MAGI1: variants seen among roughly 807,000 people sequenced by gnomAD.
MAGI1 encodes the protein membrane associated guanylate kinase, WW and PDZ domain containing 1.
Under a neutral mutation model 139.9 loss-of-function variants are expected in MAGI1, and 58 were observed. The observed-to-expected ratio is 0.41, with a 90% CI of 0.34 to 0.52. The LOEUF is 0.52. Ranked by LOEUF, MAGI1 falls within the 20% of genes least tolerant of loss-of-function variation. MAGI1 has a pLI of 0.12. For missense variants in MAGI1, 1,874 were observed against 1,901.6 expected, an observed-to-expected ratio of 0.99 and a Z score of 0.27; for synonymous variants, 812 against 737.9, an observed-to-expected ratio of 1.10 and a Z score of -1.63.
intron 18 of MAGI1, among the ~76,000 whole-genome samples, chr3:65,367,117 T>A (rs1941497944): frequency 6.6e-6 from 1 of 152,166 alleles, no homozygotes; most frequent in Admixed American, 6.5e-5. Flanking sequence ...ATGGAGACTC[T>A]CAGAAATCAC....
intron 1 of MAGI1, among the ~76,000 whole-genome samples, chr3:65,861,291 G>A (rs767278446): frequency 7.9e-5 from 12 of 152,226 alleles, no homozygotes; most frequent in Non-Finnish European, 1.5e-4. Context: ...ATTAAGTTTT[G>A]AATTTCTTAT....
intron 2 of MAGI1, among the ~76,000 whole-genome samples, chr3:65,515,261 T>C (rs530767318): frequency 8.1e-4 from 74 of 91,850 alleles, no homozygotes; most frequent in African/African-American, 3.0e-3. Flanking sequence ...TATACATATG[T>C]AACTAACCTG....
At chr3:65,817,470 T>C (rs942852183) in intron 1 of MAGI1, among the ~76,000 whole-genome samples, 2 of 152,188 alleles carry the variant, frequency 1.3e-5, no homozygotes, top group African/African-American at 4.8e-5. Flanking sequence ...AACCCAGGCA[T>C]GGTACCAATC....
intron 2 of MAGI1, among the ~76,000 whole-genome samples, chr3:65,497,451 T>A (rs1367084074): frequency 1.3e-5 from 2 of 152,172 alleles, no homozygotes; most frequent in Non-Finnish European, 2.9e-5. Context: ...ACACTGGGAA[T>A]TCCAGTGCAG....
intron 1 of MAGI1, among the ~76,000 whole-genome samples, chr3:65,638,201 G>T (rs1444341642): frequency 1.3e-5 from 2 of 152,132 alleles, no homozygotes; most frequent in Admixed American, 1.3e-4. Context: ...CTACCTGACA[G>T]GGCTGTCATG....
At chr3:65,773,226 A>G (rs1464553300) in intron 1 of MAGI1, among the ~76,000 whole-genome samples, 3 of 152,124 alleles carry the variant, frequency 2.0e-5, no homozygotes, top group African/African-American at 7.2e-5. Flanking sequence ...ACACCCCCAA[A>G]AGATTAACAA....
intron 2 of MAGI1, among the ~76,000 whole-genome samples, chr3:65,543,693 T>G (rs1424724521): frequency 6.6e-6 from 1 of 151,084 alleles, no homozygotes; most frequent in East Asian, 1.9e-4. Context: ...TAAGTGGGAG[T>G]TGAACAATGA....
chr3:65,940,537 C>T (rs1353839885), intron 1 of MAGI1, among the ~76,000 whole-genome samples: 1 of 152,154 alleles, frequency 6.6e-6, no homozygotes, highest in Non-Finnish European at 1.5e-5. Context: ...GGCTCCACCC[C>T]TATGATCTAA....
At position 65,551,585 on chromosome 3, in the gene MAGI1, C is replaced by G. The variant is rs1309558627; in HGVS notation, c.431-57954G>C. On this transcript the variant is annotated intron_variant, in intron 2 of 22. Transcript: ENST00000402939. ...AAAGTGCTGGGATTACAGGCGTGAG[C>G]CACCACGCCCGGCCCACTTTCCTTT... is the stretch of plus-strand genomic sequence containing the variant. Among the ~76,000 whole-genome samples, 3 of 152,362 alleles carry G rather than the reference C, an allele frequency of 2.0e-5. No homozygotes were observed. The East Asian group carries it at 5.8e-4, about 29-fold the overall frequency.
At chr3:65,889,127 T>A (rs2060643371) in intron 1 of MAGI1, among the ~76,000 whole-genome samples, 1 of 152,172 alleles carries the variant, frequency 6.6e-6, no homozygotes, top group African/African-American at 2.4e-5. Flanking sequence ...CTGTGAAACT[T>A]TCTGAAGCAT....
At chr3:66,019,504 T>C (rs1366134376) in intron 1 of MAGI1, among the ~76,000 whole-genome samples, 1 of 152,242 alleles carries the variant, frequency 6.6e-6, no homozygotes, top group African/African-American at 2.4e-5. Flanking sequence ...AGAACCAGAT[T>C]AGAATTGCAG....
chr3:65,868,117 C>T (rs1371214774), intron 1 of MAGI1, among the ~76,000 whole-genome samples: 3 of 152,162 alleles, frequency 2.0e-5, no homozygotes, highest in Non-Finnish European at 2.9e-5. Context: ...CGCTCCAGTG[C>T]TTTCCTACCA....
chr3:65,636,739 C>CACAT (rs2084649128), intron 1 of MAGI1, among the ~76,000 whole-genome samples: 1 of 151,932 alleles, frequency 6.6e-6, no homozygotes, highest in African/African-American at 2.4e-5. Flanking sequence ...CACACACACA[C>CACAT]ATTAAGCCAT....
chr3:65,580,932 T>A (rs2081389217), intron 2 of MAGI1, among the ~76,000 whole-genome samples: 1 of 152,110 alleles, frequency 6.6e-6, no homozygotes, highest in Non-Finnish European at 1.5e-5. Context: ...ATCTTCCCCT[T>A]CAAATGGGCT....
chr3:65,366,739 G>C (rs1025367790), intron 18 of MAGI1, among the ~76,000 whole-genome samples: 1 of 152,172 alleles, frequency 6.6e-6, no homozygotes, highest in African/African-American at 2.4e-5. Flanking sequence ...CAAGAAGATT[G>C]TTTGGAATAC....
intron 1 of MAGI1, among the ~76,000 whole-genome samples, chr3:65,680,457 C>T (rs1241352869): frequency 6.6e-6 from 1 of 152,134 alleles, no homozygotes; most frequent in Non-Finnish European, 1.5e-5. Context: ...TGCTCTGTTG[C>T]CCAGGCTGGG....
At chr3:65,813,961 A>T (rs1218945284) in intron 1 of MAGI1, among the ~76,000 whole-genome samples, 1 of 152,198 alleles carries the variant, frequency 6.6e-6, no homozygotes, top group East Asian at 1.9e-4. Context: ...TTCATCCCAG[A>T]CTTAGCCATC....
chr3:65,700,428 C>T (rs2107607995), intron 1 of MAGI1, among the ~76,000 whole-genome samples: 1 of 151,970 alleles, frequency 6.6e-6, no homozygotes, highest in South Asian at 2.1e-4. Context: ...CCAGCCTGGG[C>T]TACAGAGCGA....
intron 1 of MAGI1, among the ~76,000 whole-genome samples, chr3:66,019,040 C>G (rs1377525550): frequency 1.3e-5 from 2 of 152,178 alleles, no homozygotes; most frequent in Non-Finnish European, 2.9e-5. Flanking sequence ...AATGTTTATG[C>G]TGCTCAGCTG....
Sources: allele counts gnomAD v4.1 joint callset (sites outside exome capture counted in the v4.1 genomes callset), GRCh38; gene constraint gnomAD v4.1.1; transcripts MANE v1.5; gene names NCBI Gene and HGNC (gene_info 2026-07-23, HGNC 2026-07-21).